DIP2C: variants seen among roughly 807,000 people sequenced by gnomAD.
DIP2C encodes DIP2 acetate--CoA ligase C (putative), also known as disco-interacting protein 2 homolog C.
DIP2C carries 33 observed loss-of-function variants against 192.4 expected under a neutral mutation model. The observed-to-expected ratio is 0.17, with a 90% confidence interval of 0.13 to 0.23. The LOEUF (loss-of-function observed/expected upper bound fraction) is 0.23, where lower values mean the gene tolerates loss of function less well. Ranked by LOEUF, DIP2C falls within the 10% of genes least tolerant of loss-of-function variation. The probability of loss-of-function intolerance (pLI) is 1.00; values close to 1 mark genes in which losing one functional copy is unlikely to be tolerated. For synonymous variants in DIP2C, 979 were observed against 864.1 expected, an observed-to-expected ratio of 1.13 and a Z score of -2.33; for missense variants, 1,537 against 2,110.1, an observed-to-expected ratio of 0.73 and a Z score of 5.32.
intron 3 of DIP2C, among the ~76,000 whole-genome samples, chr10:448,499 C>CA (rs1324372816): frequency 1.4e-5 from 2 of 144,736 alleles, no homozygotes; most frequent in South Asian, 2.3e-4. Context: ...CACAGTGGGG[C>CA]AGCAGGACCC....
intron 1 of DIP2C, among the ~76,000 whole-genome samples, chr10:670,134 G>A (rs572015731): frequency 5.3e-5 from 8 of 151,886 alleles, no homozygotes; most frequent in Admixed American, 2.0e-4. Context: ...ACATGTACAC[G>A]CATACACGTG....
intron 17 of DIP2C, among the ~76,000 whole-genome samples, chr10:378,414 G>GGCAT (rs1961899445): frequency 6.6e-6 from 1 of 152,298 alleles, no homozygotes; most frequent in Admixed American, 6.5e-5. Context: ...CAGACATGAA[G>GGCAT]GCATGCATGC....
At chr10:484,777 T>A in intron 2 of DIP2C, 1 of 1,610,184 alleles carries the variant, frequency 6.2e-7, no homozygotes, top group Non-Finnish European at 8.5e-7. Flanking sequence ...AAAGCAGCGC[T>A]CACCGAAACG....
chr10:598,966 C>G (rs895182734), intron 1 of DIP2C, among the ~76,000 whole-genome samples: 3 of 152,256 alleles, frequency 2.0e-5, no homozygotes, highest in African/African-American at 7.2e-5. Flanking sequence ...CTTTCTGCAT[C>G]GAGCCTTTGA....
intron 1 of DIP2C, among the ~76,000 whole-genome samples, chr10:566,331 G>T (rs1849466976): frequency 2.0e-5 from 3 of 152,174 alleles, no homozygotes; most frequent in Non-Finnish European, 4.4e-5. Flanking sequence ...ACCCTCGCGG[G>T]GTAACCGCAC....
At chr10:577,986 G>T (rs1205946933) in intron 1 of DIP2C, among the ~76,000 whole-genome samples, 1 of 152,124 alleles carries the variant, frequency 6.6e-6, no homozygotes, top group Admixed American at 6.5e-5. Flanking sequence ...CATCAAGGGT[G>T]AAATTCCCAA....
chr10:424,805 A>G (rs1346528456), intron 4 of DIP2C, among the ~76,000 whole-genome samples: 1 of 152,212 alleles, frequency 6.6e-6, no homozygotes, highest in Non-Finnish European at 1.5e-5. Flanking sequence ...AACTCTTTAC[A>G]ATCTTTCATT....
chr10:610,864 G>T (rs1283100405), intron 1 of DIP2C, among the ~76,000 whole-genome samples: 1 of 149,424 alleles, frequency 6.7e-6, no homozygotes, highest in African/African-American at 2.5e-5. Flanking sequence ...ACTCATGGGG[G>T]TGGTTTCTAA....
intron 1 of DIP2C, among the ~76,000 whole-genome samples, chr10:596,488 C>T (rs1308586591): frequency 1.0e-5 from 1 of 97,346 alleles, no homozygotes; most frequent in Non-Finnish European, 1.8e-5. Flanking sequence ...CAGTGCGAAA[C>T]TCCATCTCAA....
At position 549,741 on chromosome 10, in the gene DIP2C, G is replaced by A. The variant is rs59999413; in HGVS notation, c.86-63211C>T. Among the ~76,000 whole-genome samples the A allele has an allele frequency of 3.1e-3, 467 of 152,226 alleles. 2 individuals are homozygous for A. The highest frequency in any genetic ancestry group is 0.011 in the African/African-American group (445 of 41,536). On this transcript the variant is annotated intron_variant, in intron 1 of 36. Coordinates refer to ENST00000280886, the MANE Select transcript of DIP2C (RefSeq NM_014974.3). ...TTTTCACTCCCTACTCCCGATTCTT[G>A]CCCTGAAAGCTCGCAGCAAGTCCAG...
intron 1 of DIP2C, among the ~76,000 whole-genome samples, chr10:544,314 GCA>G (rs1396779911): frequency 6.6e-6 from 1 of 152,356 alleles, no homozygotes; most frequent in East Asian, 1.9e-4. Flanking sequence ...TCCATTGTGT[GCA>G]AATTTTCTTT....
At chr10:546,306 A>G (rs1588434673) in intron 1 of DIP2C, among the ~76,000 whole-genome samples, 2 of 150,074 alleles carry the variant, frequency 1.3e-5, no homozygotes, top group Non-Finnish European at 3.0e-5. Flanking sequence ...TAACAAATTT[A>G]TTTTAAAATA....
intron 1 of DIP2C, among the ~76,000 whole-genome samples, chr10:559,022 G>A (rs911823977): frequency 6.6e-6 from 1 of 150,522 alleles, no homozygotes; most frequent in African/African-American, 2.4e-5. Context: ...TGGTTTCCAA[G>A]GAATCTCAGA....
chr10:354,592 G>C (rs1027799783), intron 24 of DIP2C, among the ~76,000 whole-genome samples: 4 of 152,144 alleles, frequency 2.6e-5, no homozygotes, highest in Non-Finnish European at 4.4e-5. Flanking sequence ...ACACATGCTT[G>C]TGCAACCCCC....
At chr10:506,174 C>T (rs1845583697) in intron 1 of DIP2C, among the ~76,000 whole-genome samples, 1 of 152,280 alleles carries the variant, frequency 6.6e-6, no homozygotes, top group Non-Finnish European at 1.5e-5. Flanking sequence ...ATAACCTTGA[C>T]TTGCTGGGAT....
intron 1 of DIP2C, among the ~76,000 whole-genome samples, chr10:578,897 C>T (rs576091304): frequency 1.3e-5 from 2 of 152,182 alleles, no homozygotes; most frequent in Non-Finnish European, 2.9e-5. Flanking sequence ...AGCATACACA[C>T]ATCCAGATCC....
chr10:512,952 A>G (rs1051976126), intron 1 of DIP2C, among the ~76,000 whole-genome samples: 33 of 150,380 alleles, frequency 2.2e-4, no homozygotes, highest in Non-Finnish European at 4.1e-4. Context: ...AAAGGGAGCT[A>G]ATGTTTTTCA....
chr10:367,183 C>T (rs565167734), intron 18 of DIP2C, among the ~76,000 whole-genome samples: 11 of 152,222 alleles, frequency 7.2e-5, no homozygotes, highest in Middle Eastern at 3.4e-3. Flanking sequence ...TTTGGGAGGC[C>T]GAGGCGGGCG....
At chr10:574,294 ACT>A (rs1850008322) in intron 1 of DIP2C, among the ~76,000 whole-genome samples, 2 of 152,188 alleles carry the variant, frequency 1.3e-5, no homozygotes, top group African/African-American at 2.4e-5. Context: ...AATAAAACCC[ACT>A]GTTATCTTTC....
Sources: allele counts gnomAD v4.1 joint callset (sites outside exome capture counted in the v4.1 genomes callset), GRCh38; gene constraint gnomAD v4.1.1; transcripts MANE v1.5; gene names NCBI Gene and HGNC (gene_info 2026-07-23, HGNC 2026-07-21).